EPB41L4B: variants seen among roughly 807,000 people sequenced by gnomAD.
EPB41L4B encodes the protein band 4.1-like protein 4B.
EPB41L4B carries 30 observed loss-of-function variants against 112.5 expected under a neutral mutation model. The observed-to-expected ratio is 0.27, with a 90% CI of 0.20 to 0.36. The LOEUF is 0.36. Ranked by LOEUF, EPB41L4B falls within the 10% of genes least tolerant of loss-of-function variation. The pLI is 1.00. For missense variants in EPB41L4B, 1,024 were observed against 1,133.3 expected (o/e 0.90, Z 1.38); for synonymous variants, 408 against 439.7 (o/e 0.93, Z 0.90).
At position 109,172,800 on chromosome 9, in the gene EPB41L4B, T is replaced by G. The variant is rs545184444; in HGVS notation, c.*1754A>C. 6.5e-6 allele frequency: 1 copy of G among 152,802 alleles called. No homozygotes were observed. Among genetic ancestry groups the G allele is most frequent in the South Asian group, 2.1e-4 (1 of 4,828 alleles). 9.5% of individuals were successfully genotyped at this position (152,802 alleles called of 1,614,324 possible). The stretch of plus-strand genomic sequence containing the variant: ...GGGTTAATCCTCGGTTATCTGAATA[T>G]TCACATACATTCCTCATTTTACAAC... On this transcript the variant is annotated 3_prime_UTR_variant, in exon 26 of 26. Transcript: ENST00000374566.
In EPB41L4B at chr9:109,174,637, T is replaced by G. The variant is rs767954379; in HGVS notation, c.2634-14A>C. 10 of 1,612,430 alleles carry G rather than the reference T, an allele frequency of 6.2e-6. No individual in the cohort carries two copies. The highest frequency in any genetic ancestry group is 8.5e-7 in the Non-Finnish European group (1 of 1,178,662). ...AGTGTCTCTGCACTAAAAAAAAGTA[T>G]GTGACAAAATAGTGAGACAATCCCT... On this transcript the variant is annotated splice_polypyrimidine_tract_variant and intron_variant, in intron 25 of 25. Transcript: ENST00000374566.
At chr9:109,189,140 C>G (rs1204195567) in intron 22 of EPB41L4B, among the ~76,000 whole-genome samples, 1 of 152,164 alleles carries the variant, frequency 6.6e-6, no homozygotes, top group Non-Finnish European at 1.5e-5. Context: ...CCCTTCTCAC[C>G]CACGTATTCC....
chr9:109,225,215 C>T (rs896900312), intron 15 of EPB41L4B, among the ~76,000 whole-genome samples: 1 of 152,176 alleles, frequency 6.6e-6, no homozygotes, highest in African/African-American at 2.4e-5. Context: ...AGACGGAGAA[C>T]AAAATGAAAT....
chr9:109,241,265 A>C, intron 15 of EPB41L4B: 2 of 996,690 alleles, frequency 2.0e-6, no homozygotes, highest in South Asian at 9.0e-5. Context: ...ACACTAGGGA[A>C]ACTGGACCCT....
chr9:109,199,371 T>C (rs1027427449), intron 20 of EPB41L4B, among the ~76,000 whole-genome samples: 1 of 152,046 alleles, frequency 6.6e-6, no homozygotes, highest in Non-Finnish European at 1.5e-5. Context: ...GAACAGAATA[T>C]GGCAAAAGTG....
intron 2 of EPB41L4B, among the ~76,000 whole-genome samples, chr9:109,270,298 T>C (rs1835563631): frequency 6.6e-6 from 1 of 152,234 alleles, no homozygotes; most frequent in Non-Finnish European, 1.5e-5. Flanking sequence ...TCTAGATACA[T>C]CCAGAAGGAA....
chr9:109,271,866 C>G (rs1307590785), intron 2 of EPB41L4B, among the ~76,000 whole-genome samples: 4 of 152,168 alleles, frequency 2.6e-5, no homozygotes, highest in African/African-American at 9.7e-5. Flanking sequence ...ATTTCTCATC[C>G]AAGTCCATCT....
intron 22 of EPB41L4B, among the ~76,000 whole-genome samples, chr9:109,188,236 G>T (rs1832337889): frequency 6.6e-6 from 1 of 152,142 alleles, no homozygotes; most frequent in Non-Finnish European, 1.5e-5. Flanking sequence ...AGAGGGAAAG[G>T]GAGGAGGAGT....
intron 15 of EPB41L4B, among the ~76,000 whole-genome samples, chr9:109,232,820 C>T (rs566732813): frequency 9.8e-4 from 149 of 152,328 alleles, no homozygotes; most frequent in Non-Finnish European, 1.6e-3. Flanking sequence ...TTCATTAGTG[C>T]TTAAAAATTT....
intron 1 of EPB41L4B, among the ~76,000 whole-genome samples, chr9:109,296,488 A>G (rs112419992): frequency 6.6e-6 from 1 of 152,226 alleles, no homozygotes; most frequent in Admixed American, 6.5e-5. Context: ...TAAAAGGATT[A>G]TATGAAATGA....
intron 1 of EPB41L4B, among the ~76,000 whole-genome samples, chr9:109,295,870 A>T (rs1836715846): frequency 6.6e-6 from 1 of 152,120 alleles, no homozygotes; most frequent in African/African-American, 2.4e-5. Flanking sequence ...AATCAGGAAA[A>T]AAACCCACAA....
At chr9:109,258,062 C>T (rs1835050918) in intron 7 of EPB41L4B, 115 bp downstream of exon 7, 3 of 1,147,822 alleles carry the variant, frequency 2.6e-6, no homozygotes, top group Admixed American at 2.2e-5. Context: ...AGAGTTGGCG[C>T]TGCAGTTTTA....
intron 1 of EPB41L4B, among the ~76,000 whole-genome samples, chr9:109,303,500 C>T (rs933194858): frequency 1.7e-4 from 26 of 152,102 alleles, no homozygotes; most frequent in African/African-American, 5.1e-4. Context: ...TGCACGCCAT[C>T]GCACCTGGCT....
At chr9:109,226,751 G>GAATATATAT (rs1833790569) in intron 15 of EPB41L4B, among the ~76,000 whole-genome samples, 1 of 72,088 alleles carries the variant, frequency 1.4e-5, no homozygotes, top group Admixed American at 1.6e-4. Flanking sequence ...ATATATATAT[G>GAATATATAT]AAGAATATAT....
intron 25 of EPB41L4B, among the ~76,000 whole-genome samples, chr9:109,175,467 A>AC: frequency 3.1e-5 from 4 of 130,704 alleles, no homozygotes; most frequent in African/African-American, 9.1e-5. Flanking sequence ...TCCACTGTTT[A>AC]AACACACACA....
chr9:109,252,757 C>G (rs539648055), intron 12 of EPB41L4B, among the ~76,000 whole-genome samples: 5 of 152,074 alleles, frequency 3.3e-5, no homozygotes, highest in African/African-American at 1.2e-4. Flanking sequence ...CGTCCTAAGT[C>G]GGGGAGCAAC....
intron 5 of EPB41L4B, 87 bp downstream of exon 5, chr9:109,264,893 C>A: frequency 1.6e-6 from 2 of 1,257,350 alleles, no homozygotes; most frequent in South Asian, 1.7e-5. Flanking sequence ...GAAAAGGGAA[C>A]AAGGGTAAAA....
At chr9:109,281,961 T>C (rs1380849801) in intron 1 of EPB41L4B, among the ~76,000 whole-genome samples, 1 of 152,214 alleles carries the variant, frequency 6.6e-6, no homozygotes, top group Admixed American at 6.5e-5. Context: ...GCAGTATTAT[T>C]TATAATATTC....
intron 14 of EPB41L4B, 69 bp downstream of exon 14, chr9:109,247,687 A>G: frequency 8.7e-7 from 1 of 1,153,380 alleles, no homozygotes; most frequent in Non-Finnish European, 1.2e-6. Flanking sequence ...ACTTTACAAA[A>G]ACCTTTTTTT....
Sources: gnomAD v4.1 joint callset for allele counts (sites outside exome capture counted in the v4.1 genomes callset) on GRCh38, gnomAD v4.1.1 for gene constraint, MANE v1.5 for transcripts, NCBI Gene and HGNC (gene_info 2026-07-23, HGNC 2026-07-21) for gene names.